Variants in P2RX5 observed in about 807,000 individuals in gnomAD.
P2RX5 encodes purinergic receptor P2X 5.
In P2RX5, 46 loss-of-function variants were observed where a neutral mutation model predicts 54.1. The ratio of observed to expected loss-of-function variants is 0.85; its 90% CI spans 0.67 to 1.09. P2RX5 has a LOEUF of 1.09. Among genes scored for constraint, P2RX5 ranks in the 50% least tolerant of loss-of-function variants. The pLI, the probability that P2RX5 is intolerant of heterozygous loss-of-function variation, is 0.00. For missense variants in P2RX5, 566 were observed against 549.8 expected, an observed-to-expected ratio of 1.03 and a Z score of -0.29; for synonymous variants, 226 against 226.4, an observed-to-expected ratio of 1.00 and a Z score of 0.02.
chr17:3,695,782 C>T, intron 1 of P2RX5, 87 bp downstream of exon 1: 4 of 1,542,554 alleles, frequency 2.6e-6, no homozygotes, highest in Non-Finnish European at 3.6e-6. Context: ...TGCACGCCTG[C>T]GAATTCCAGG....
upstream of P2RX5, among the ~76,000 whole-genome samples, chr17:3,698,075 G>T (rs1177739898): frequency 1.3e-5 from 2 of 151,212 alleles, no homozygotes; most frequent in African/African-American, 4.9e-5. Context: ...AGGGCATTTC[G>T]ATTCCACCCT....
chr17:3,699,879 AAGGAAGG>A (rs2050804482), upstream of P2RX5, among the ~76,000 whole-genome samples: 15 of 26,660 alleles, frequency 5.6e-4, no homozygotes, highest in African/African-American at 1.2e-3. Flanking sequence ...GAAAGAAAGG[AAGGAAGG>A]AAGGAAGGAA....
intron 11 of P2RX5, chr17:3,676,052 C>T (rs916781788): frequency 2.0e-6 from 2 of 985,348 alleles, no homozygotes; most frequent in African/African-American, 3.5e-5. Context: ...GAGAGAACCC[C>T]TCCAAAGAGG....
intron 9 of P2RX5, among the ~76,000 whole-genome samples, chr17:3,683,740 A>AG (rs1466399392): frequency 6.9e-6 from 1 of 145,372 alleles, no homozygotes; most frequent in African/African-American, 2.4e-5. Flanking sequence ...AAAAAAAAAA[A>AG]AAAAAAAAGA....
chr17:3,722,143 CACA>C, the P2RX5 span, among the ~76,000 whole-genome samples: 10 of 150,130 alleles, frequency 6.7e-5, no homozygotes, highest in South Asian at 2.1e-4. Flanking sequence ...CGTGCCATTG[CACA>C]ACAAGAGCGA....
rs201898633 is a variant in P2RX5 at position 3,690,956 on chromosome 17, C to T, written c.360G>A (p.Glu120=). ...TPNQRQNVCA[E]NEGIPDGACS... is the part of the protein sequence containing the mutation. Reference sequence around the variant, plus strand: ...GCCAGGGCCCCTCGCCAAATCAAACCTCAGCACAGACGTTCTGCCGCTGGT... The same window carrying T: ...GCCAGGGCCCCTCGCCAAATCAAACTTCAGCACAGACGTTCTGCCGCTGGT... Residue 120 remains glutamate (E), a splice_region_variant and synonymous_variant, in exon 3 of 12, where the codon GAG becomes GAA. Coordinates refer to ENST00000225328, the MANE Select transcript of P2RX5 (RefSeq NM_002561.4). 36 of 1,609,606 alleles carry T rather than the reference C, an allele frequency of 2.2e-5. No homozygotes were observed. The East Asian group carries it at 5.2e-4, about 23-fold the overall frequency.
the P2RX5 span, among the ~76,000 whole-genome samples, chr17:3,706,903 C>G: frequency 6.6e-6 from 1 of 152,192 alleles, no homozygotes; most frequent in Non-Finnish European, 1.5e-5. Flanking sequence ...CGCCACTGCG[C>G]CCACCTATAA....
At chr17:3,675,042 C>T (rs2050070030) in intron 11 of P2RX5, among the ~76,000 whole-genome samples, 2 of 152,144 alleles carry the variant, frequency 1.3e-5, no homozygotes, top group African/African-American at 4.8e-5. Context: ...TGTAGGAAGA[C>T]ATTTTCCTTT....
chr17:3,699,901 G>GGAAT (rs2050805406), upstream of P2RX5, among the ~76,000 whole-genome samples: 2 of 33,050 alleles, frequency 6.1e-5, no homozygotes, highest in East Asian at 1.2e-3. Flanking sequence ...AAGGAAGGAA[G>GGAAT]GAAGGAAGGA....
At chr17:3,715,339 G>C in the P2RX5 span, among the ~76,000 whole-genome samples, 1 of 152,164 alleles carries the variant, frequency 6.6e-6, no homozygotes, top group African/African-American at 2.4e-5. Context: ...GTAGGAAAAA[G>C]AGATAATTAC....
rs2050751408 is a variant in P2RX5 at position 3,696,015 on chromosome 17, T to C, written c.-10A>G. 1 of 1,613,112 alleles carries C rather than the reference T, an allele frequency of 6.2e-7. No homozygotes were observed. Among genetic ancestry groups the C allele is most frequent in the South Asian group, 1.1e-5 (1 of 91,084 alleles). On this transcript the variant is annotated 5_prime_UTR_variant, in exon 1 of 12. Coordinates refer to ENST00000225328, the MANE Select transcript of P2RX5 (RefSeq NM_002561.4). The stretch of plus-strand genomic sequence containing the variant: ...AGCCCGCCTGCCCCATGGCGCGCTC[T>C]CAGCCGGGCTTGCGGACCGCCCGGC...
the P2RX5 span, among the ~76,000 whole-genome samples, chr17:3,712,266 A>ATT: frequency 3.3e-5 from 5 of 152,248 alleles, no homozygotes. Context: ...CCGATAGCAC[A>ATT]GACGGATTTC....
the P2RX5 span, chr17:3,720,360 A>C: frequency 6.3e-7 from 1 of 1,586,904 alleles, no homozygotes; most frequent in South Asian, 1.1e-5. Context: ...TTGTTGAAAG[A>C]TATTTCACCA....
chr17:3,691,615 T>G (rs2050619640), intron 2 of P2RX5, 29 bp downstream of exon 2: 1 of 1,613,824 alleles, frequency 6.2e-7, no homozygotes, highest in Admixed American at 1.7e-5. Flanking sequence ...CCTGCCAGCC[T>G]TGGCCGTGTG....
At chr17:3,681,549 A>C (rs2050281426) in intron 10 of P2RX5, among the ~76,000 whole-genome samples, 1 of 152,230 alleles carries the variant, frequency 6.6e-6, no homozygotes, top group African/African-American at 2.4e-5. Context: ...ACCAAGTCCA[A>C]GAATCCCAAA....
At chr17:3,709,257 C>G in the P2RX5 span, among the ~76,000 whole-genome samples, 1 of 152,156 alleles carries the variant, frequency 6.6e-6, no homozygotes, top group East Asian at 1.9e-4. Flanking sequence ...ACACGTTAAA[C>G]CAGGTCATCT....
At chr17:3,711,702 T>C in the P2RX5 span, among the ~76,000 whole-genome samples, 1 of 150,592 alleles carries the variant, frequency 6.6e-6, no homozygotes, top group African/African-American at 2.5e-5. Context: ...TATTTATTTA[T>C]TTATTTTTTT....
In P2RX5 at chr17:3,673,471, C is replaced by A; in HGVS notation, c.*397G>T. The stretch of plus-strand genomic sequence containing the variant: ...GAGTGGGCTGGAACCAAATGGAGCC[C>A]TTTTCCGGACACGCACAATGCTATT... On this transcript the variant is annotated 3_prime_UTR_variant, in exon 12 of 12. Coordinates refer to ENST00000225328, the MANE Select transcript of P2RX5 (RefSeq NM_002561.4). 9.0e-7 allele frequency: 1 copy of A among 1,116,894 alleles called. No individual in the cohort carries two copies. Among genetic ancestry groups the A allele is most frequent in the Non-Finnish European group, 1.1e-6 (1 of 907,676 alleles). 69.2% of individuals were successfully genotyped at this position (1,116,894 alleles called of 1,614,324 possible).
intron 1 of P2RX5, 54 bp from the exon 2 acceptor site, chr17:3,691,848 G>A (rs2050626551): frequency 1.3e-6 from 2 of 1,597,620 alleles, no homozygotes; most frequent in Non-Finnish European, 1.7e-6. Context: ...GCTTCGGGGA[G>A]CTTCCCCAGG....
Sources: allele counts gnomAD v4.1 joint callset (sites outside exome capture counted in the v4.1 genomes callset), GRCh38; gene constraint gnomAD v4.1.1; transcripts MANE v1.5; gene names NCBI Gene and HGNC (gene_info 2026-07-23, HGNC 2026-07-21).